Variants in KCNIP3 observed in about 807,000 individuals in gnomAD.
KCNIP3 encodes the protein potassium voltage-gated channel interacting protein 3.
A neutral mutation model predicts 35.0 loss-of-function variants in KCNIP3; 28 were observed. The ratio of observed to expected loss-of-function variants is 0.80; its 90% CI spans 0.59 to 1.10. The LOEUF (loss-of-function observed/expected upper bound fraction) is 1.10. KCNIP3 is among the 50% of genes least tolerant of loss of function. The pLI is 0.00. For synonymous variants in KCNIP3, 134 were observed against 133.8 expected, an observed-to-expected ratio of 1.00 and a Z score of -0.01; for missense variants, 295 against 338.4, an observed-to-expected ratio of 0.87 and a Z score of 1.01.
At position 95,374,414 on chromosome 2, in the gene KCNIP3, T is replaced by C. The variant is rs776314867; in HGVS notation, c.300T>C (p.Phe100=). ...AGCTGCAGTCTCTCTACAGGGGCTTTAAGAATGTGAGTGTTCCCCATTCCC... is the reference window on the plus strand; with the variant it reads ...AGCTGCAGTCTCTCTACAGGGGCTTCAAGAATGTGAGTGTTCCCCATTCCC... ...KKELQSLYRG[F]KNECPTGLVD... Residue 100 remains phenylalanine, a synonymous_variant, in exon 3 of 9, where the codon TTT becomes TTC. Transcript: ENST00000295225. The C allele has an allele frequency of 1.9e-6, 3 of 1,614,048 alleles. No homozygotes were observed. Among genetic ancestry groups the C allele is most frequent in the Non-Finnish European group, 2.5e-6 (3 of 1,179,922 alleles).
In KCNIP3 at chr2:95,376,009, T is replaced by G. The variant is rs944548110; in HGVS notation, c.447+801T>G. ...ACACGGGGTAATAATAACTTGTCGA[T>G]AAGCTGCGCGGGTTATTTTTATGCC... On this transcript the variant is annotated intron_variant, in intron 5 of 8. Transcript: ENST00000295225. This position sits in a 1 kb window ranked among gnomAD's most constrained non-coding sequence, Gnocchi z 4.2. 2.6e-5 allele frequency among the ~76,000 whole-genome samples: 4 copies of G among 152,148 alleles called. No homozygotes were observed. The highest frequency in any genetic ancestry group is 5.9e-5 in the Non-Finnish European group (4 of 68,022).
At chr2:95,355,818 G>A (rs939165938) in intron 2 of KCNIP3, among the ~76,000 whole-genome samples, 86 of 152,286 alleles carry the variant, frequency 5.6e-4, no homozygotes, top group Admixed American at 3.6e-3. Flanking sequence ...GTGTGCATGT[G>A]TCTTTACAGC....
intron 2 of KCNIP3, among the ~76,000 whole-genome samples, chr2:95,360,731 C>T (rs776220401): frequency 6.6e-5 from 10 of 151,476 alleles, no homozygotes; most frequent in Non-Finnish European, 1.2e-4. Flanking sequence ...TGGCGAAGAA[C>T]AGACAGACAG....
chr2:95,333,586 C>T (rs1194856343), intron 2 of KCNIP3, among the ~76,000 whole-genome samples: 1 of 152,176 alleles, frequency 6.6e-6, no homozygotes, highest in Non-Finnish European at 1.5e-5. Context: ...CTTCTAGAGA[C>T]CGTATGGGCA....
At chr2:95,309,614 G>A (rs181125496) in intron 1 of KCNIP3, among the ~76,000 whole-genome samples, 18 of 152,262 alleles carry the variant, frequency 1.2e-4, no homozygotes, top group African/African-American at 4.3e-4. Context: ...AGTAGAGACA[G>A]GGTTTCATCA....
chr2:95,350,958 CA>C (rs1458486894), intron 2 of KCNIP3, among the ~76,000 whole-genome samples: 2 of 152,154 alleles, frequency 1.3e-5, no homozygotes, highest in African/African-American at 2.4e-5. Flanking sequence ...TCAGTGTCAT[CA>C]GGGGTGAGCA....
chr2:95,370,718 CTTTA>C (rs1305364699), intron 2 of KCNIP3, among the ~76,000 whole-genome samples: 1 of 152,020 alleles, frequency 6.6e-6, no homozygotes, highest in African/African-American at 2.4e-5. Context: ...TTCTTAATGA[CTTTA>C]TTATAAGGTT....
In KCNIP3 at chr2:95,306,534, G is replaced by A. The variant is rs564142092; in HGVS notation, c.16-3821G>A. ...AGTGCTGAGATGGAGGTGCATGGGG[G>A]AGGGTGGCCTAGGTAGTCAGGCAGG... On this transcript the variant is annotated intron_variant, in intron 1 of 8. Coordinates refer to ENST00000295225, the MANE Select transcript of KCNIP3 (RefSeq NM_013434.5). Among the ~76,000 whole-genome samples, 3 of 152,208 alleles carry A rather than the reference G, an allele frequency of 2.0e-5. 1 individual carries two copies. In the South Asian group the frequency reaches 6.2e-4, roughly 32 times the overall value.
chr2:95,305,939 A>G (rs1210975014), intron 1 of KCNIP3, among the ~76,000 whole-genome samples: 2 of 152,206 alleles, frequency 1.3e-5, no homozygotes, highest in South Asian at 2.1e-4. Context: ...TTCCAAGTAA[A>G]GCTGCCATGA....
intron 2 of KCNIP3, among the ~76,000 whole-genome samples, chr2:95,327,859 C>G (rs1376604117): frequency 2.6e-5 from 4 of 152,246 alleles, no homozygotes; most frequent in African/African-American, 9.6e-5. Context: ...GCCAGGGAAG[C>G]CTTCCCCTCT....
rs1678282604 is a variant in KCNIP3 at position 95,310,434 on chromosome 2, G to A, written c.95G>A (p.Trp32Ter). ...CTTAGCAAGAAGGAGGGTATCAAGTGGCAGAGGCCGAGGCTCAGCCGCCAG... is the reference window on the plus strand; with the variant it reads ...CTTAGCAAGAAGGAGGGTATCAAGTAGCAGAGGCCGAGGCTCAGCCGCCAG... Reference protein sequence around the residue: ...TPLSKKEGIKWQRPRLSRQAL... With the variant: ...TPLSKKEGIK Residue 32 changes from tryptophan to a stop codon, truncating the protein, a stop_gained, in exon 2 of 9, where the codon TGG becomes TAG. Transcript: ENST00000295225. LOFTEE classifies it high-confidence loss of function. 1.2e-6 allele frequency: 2 copies of A among 1,614,038 alleles called. No individual in the cohort carries two copies. Among genetic ancestry groups the A allele is most frequent in the South Asian group, 1.1e-5 (1 of 91,062 alleles).
intron 5 of KCNIP3, among the ~76,000 whole-genome samples, chr2:95,381,337 A>G (rs1680334091): frequency 6.6e-6 from 1 of 151,544 alleles, no homozygotes; most frequent in South Asian, 2.2e-4. Context: ...GCACACCCTC[A>G]CACAGGTGCA....
At chr2:95,360,899 T>G (rs1679784090) in intron 2 of KCNIP3, among the ~76,000 whole-genome samples, 2 of 152,206 alleles carry the variant, frequency 1.3e-5, no homozygotes, top group South Asian at 2.1e-4. Context: ...CAGTGGTGAC[T>G]AAATTTCAAC....
At position 95,324,127 on chromosome 2, in the gene KCNIP3, G is replaced by A. The variant is rs566031245; in HGVS notation, c.181+13607G>A. Among the ~76,000 whole-genome samples the A allele has an allele frequency of 2.0e-3, 311 of 152,358 alleles. 1 individual carries two copies. The highest frequency in any genetic ancestry group is 3.7e-3 in the East Asian group (19 of 5,184). ...CTGTGGGGAATGAGGAGAGATGGGC[G>A]CTGGGCTGACTTAGTCAGTGAACTA... On this transcript the variant is annotated intron_variant, in intron 2 of 8. Transcript: ENST00000295225.
intron 2 of KCNIP3, among the ~76,000 whole-genome samples, chr2:95,319,114 T>C (rs1483334688): frequency 6.6e-6 from 1 of 152,208 alleles, no homozygotes. Context: ...TTGAGAAGCA[T>C]GCAAATGTAA....
At chr2:95,311,350 C>G (rs1678312766) in intron 2 of KCNIP3, 1 of 152,426 alleles carries the variant, frequency 6.6e-6, no homozygotes, top group Non-Finnish European at 1.5e-5. Context: ...CTCATGGGAT[C>G]ACACATGTGA....
At chr2:95,360,017 A>G (rs61649840) in intron 2 of KCNIP3, among the ~76,000 whole-genome samples, 24,671 of 152,208 alleles carry the variant, frequency 0.16, 2,240 homozygotes, top group East Asian at 0.29. Flanking sequence ...TTCATGATAA[A>G]TTCTGTCTTT....
At chr2:95,306,141 C>T (rs1264973796) in intron 1 of KCNIP3, among the ~76,000 whole-genome samples, 1 of 152,190 alleles carries the variant, frequency 6.6e-6, no homozygotes, top group African/African-American at 2.4e-5. Context: ...TTCTCCACAT[C>T]CTCACCAGCT....
At chr2:95,346,348 C>T (rs1199437639) in intron 2 of KCNIP3, among the ~76,000 whole-genome samples, 3 of 151,586 alleles carry the variant, frequency 2.0e-5, no homozygotes, top group Non-Finnish European at 1.5e-5. Context: ...CGGCCCCCAT[C>T]CTGCGCGTGG....
Sources: gnomAD v4.1 joint callset for allele counts (sites outside exome capture counted in the v4.1 genomes callset) on GRCh38, gnomAD v4.1.1 for gene constraint, Gnocchi (gnomAD v3.1) non-coding constraint, MANE v1.5 for transcripts, NCBI Gene and HGNC (gene_info 2026-07-23, HGNC 2026-07-21) for gene names.